TENT4B: variants seen among roughly 807,000 people sequenced by gnomAD.
TENT4B encodes the protein PAP associated domain containing 5.
A neutral mutation model predicts 75.0 loss-of-function variants in TENT4B; 10 were observed. The observed-to-expected ratio is 0.13, with a 90% CI of 0.08 to 0.23. TENT4B has a LOEUF of 0.23. Among genes scored for constraint, TENT4B ranks in the 10% least tolerant of loss-of-function variants. The pLI is 1.00. For missense variants in TENT4B, 579 were observed against 893.8 expected, an observed-to-expected ratio of 0.65 and a Z score of 4.49; for synonymous variants, 350 against 357.7, an observed-to-expected ratio of 0.98 and a Z score of 0.24.
chr16:50,180,494 G>C (rs1236773177), intron 1 of TENT4B, among the ~76,000 whole-genome samples: 1 of 152,148 alleles, frequency 6.6e-6, no homozygotes, highest in Non-Finnish European at 1.5e-5. Flanking sequence ...ATCACTTGAG[G>C]CCAGGAGTTC....
rs1263608376 is a variant in TENT4B, at chr16:50,232,659, G to A, written c.*3331G>A. 1 of 985,182 alleles carries A rather than the reference G, an allele frequency of 1.0e-6. No individual in the cohort carries two copies. The highest frequency in any genetic ancestry group is 1.2e-6 in the Non-Finnish European group (1 of 829,930). The allele number at this position is 985,182 out of a possible 1,614,324, so 61.0% of individuals were successfully genotyped here. On this transcript the variant is annotated 3_prime_UTR_variant, in exon 12 of 12. Transcript: ENST00000561678. Reference sequence around the variant, plus strand: ...GTGACGTGCAGGATTCTCTTGCTGTGACATGTTCATTGCAAAGCCCTCTCC... The same window carrying A: ...GTGACGTGCAGGATTCTCTTGCTGTAACATGTTCATTGCAAAGCCCTCTCC...
chr16:50,203,056 A>G (rs928950865), intron 1 of TENT4B, among the ~76,000 whole-genome samples: 1 of 152,248 alleles, frequency 6.6e-6, no homozygotes, highest in African/African-American at 2.4e-5. Context: ...ATAGACGAGT[A>G]TCCATTCCCT....
chr16:50,218,942 A>C (rs949716522), intron 5 of TENT4B, among the ~76,000 whole-genome samples: 1 of 151,934 alleles, frequency 6.6e-6, no homozygotes, highest in African/African-American at 2.4e-5. Context: ...TTTCTGTAGC[A>C]GCTCTAAAGT....
intron 1 of TENT4B, among the ~76,000 whole-genome samples, chr16:50,184,742 G>A (rs534825691): frequency 1.3e-5 from 2 of 150,348 alleles, no homozygotes; most frequent in African/African-American, 2.4e-5. Flanking sequence ...TTTTGTTTGT[G>A]GGGGGAGCGG....
intron 1 of TENT4B, among the ~76,000 whole-genome samples, chr16:50,165,660 T>C (rs539866585): frequency 6.6e-6 from 1 of 152,346 alleles, no homozygotes; most frequent in East Asian, 1.9e-4. Context: ...GGACCTTTCA[T>C]ATAAGTGGAA....
Position 50,233,399 on chromosome 16 carries a change from T to C in TENT4B, c.*4071T>C, listed in dbSNP as rs2032353354. 1.1e-5 allele frequency: 11 copies of C among 985,474 alleles called. No homozygotes were observed. Among genetic ancestry groups the C allele is most frequent in the Non-Finnish European group, 1.3e-5 (11 of 829,932 alleles). 61.0% of individuals were successfully genotyped at this position (985,474 alleles called of 1,614,324 possible). On this transcript the variant is annotated 3_prime_UTR_variant, in exon 12 of 12. Transcript: ENST00000561678. ...ACATAGCTAAGAAGCCAGATTTTAC[T>C]GTAGAAGTTATTTACATGATTTGAA...
At chr16:50,221,631 T>A (rs1051810351) in intron 5 of TENT4B, among the ~76,000 whole-genome samples, 10 of 152,222 alleles carry the variant, frequency 6.6e-5, no homozygotes, top group Non-Finnish European at 1.5e-5. Flanking sequence ...TCTCACTGAT[T>A]TAGTGCTTTA....
At chr16:50,168,999 TAAA>T (rs1198607806) in intron 1 of TENT4B, among the ~76,000 whole-genome samples, 1 of 152,182 alleles carries the variant, frequency 6.6e-6, no homozygotes, top group African/African-American at 2.4e-5. Flanking sequence ...GATAAGGACT[TAAA>T]AGAAGGCATA....
chr16:50,194,893 C>A (rs1019798455), intron 1 of TENT4B, among the ~76,000 whole-genome samples: 5 of 151,752 alleles, frequency 3.3e-5, no homozygotes, highest in African/African-American at 9.7e-5. Flanking sequence ...GGACTACAGG[C>A]GCCCGCCACC....
At chr16:50,197,125 CA>C (rs372992015) in intron 1 of TENT4B, among the ~76,000 whole-genome samples, 7 of 142,224 alleles carry the variant, frequency 4.9e-5, no homozygotes, top group Admixed American at 7.0e-5. Context: ...AAACAAAAAA[CA>C]AAAAAAAAAC....
upstream of TENT4B, among the ~76,000 whole-genome samples, chr16:50,153,286 T>TGCC (rs534559724): frequency 1.5e-4 from 21 of 141,502 alleles, no homozygotes; most frequent in South Asian, 6.6e-4. Flanking sequence ...CTGCCGCCGC[T>TGCC]GCCGCCGCCG....
In TENT4B at chr16:50,190,819, TCTC is replaced by T. The variant is rs1159938228; in HGVS notation, c.639-20499_639-20497del. Among the ~76,000 whole-genome samples the T allele has an allele frequency of 5.3e-5, 8 of 152,144 alleles. No homozygotes were observed. In the East Asian group the frequency reaches 7.7e-4, roughly 15 times the overall value. ...ACCATCTGTTTGCAGAAACTTTTCA[TCTC>T]CTCCATTTGAAACTCTGTATACATT... On this transcript the variant is annotated intron_variant, in intron 1 of 11. Coordinates refer to ENST00000561678, the MANE Select transcript of TENT4B (RefSeq NM_001365324.3).
At chr16:50,152,940 G>T, upstream of TENT4B, 6 of 1,504,364 alleles carry the variant, frequency 4.0e-6, no homozygotes, top group Non-Finnish European at 5.3e-6. Flanking sequence ...CTGCGGGGCG[G>T]GCGGCAACCT....
intron 7 of TENT4B, among the ~76,000 whole-genome samples, chr16:50,223,932 T>C (rs1028354088): frequency 1.5e-4 from 23 of 152,378 alleles, no homozygotes; most frequent in African/African-American, 5.0e-4. Flanking sequence ...TCCATGCTTT[T>C]CTGAAGTTCT....
At chr16:50,201,488 G>T (rs1326011145) in intron 1 of TENT4B, among the ~76,000 whole-genome samples, 4 of 150,724 alleles carry the variant, frequency 2.7e-5, no homozygotes, top group Non-Finnish European at 5.9e-5. Context: ...AGTGAGCCGA[G>T]ATCGCGCCAC....
chr16:50,152,974 G>A (rs1450209157), upstream of TENT4B: 2 of 1,514,322 alleles, frequency 1.3e-6, no homozygotes, highest in Non-Finnish European at 1.8e-6. Flanking sequence ...TCCACGCTCA[G>A]CACCGGGGAA....
At chr16:50,214,082 T>G (rs1361106954) in intron 2 of TENT4B, 139 bp from the exon 3 acceptor site, 1 of 641,500 alleles carries the variant, frequency 1.6e-6, no homozygotes, top group Non-Finnish European at 2.8e-6. Flanking sequence ...AAGCTTGGGG[T>G]TAGAAAAAAA....
chr16:50,218,243 C>T (rs2031663165), intron 5 of TENT4B, among the ~76,000 whole-genome samples: 1 of 152,156 alleles, frequency 6.6e-6, no homozygotes, highest in Admixed American at 6.5e-5. Context: ...TTGATTCCAT[C>T]TGTTTTTAAC....
chr16:50,233,663 T>C lies in TENT4B; in HGVS notation c.*4335T>C. The C allele has an allele frequency of 1.0e-6, 1 of 981,690 alleles. No individual in the cohort carries two copies. The highest frequency in any genetic ancestry group is 1.2e-6 in the Non-Finnish European group (1 of 828,218). The allele number at this position is 981,690 out of a possible 1,614,324, so 60.8% of individuals were successfully genotyped here. On this transcript the variant is annotated 3_prime_UTR_variant, in exon 12 of 12. Coordinates refer to ENST00000561678, the MANE Select transcript of TENT4B (RefSeq NM_001365324.3). ...TAGTTAATAAACTGCTAATGTTTATTTTACTGTCTCTCAGGTTTTTGGTTT... is the reference window on the plus strand; with the variant it reads ...TAGTTAATAAACTGCTAATGTTTATCTTACTGTCTCTCAGGTTTTTGGTTT...
Sources: gnomAD v4.1 joint callset for allele counts (sites outside exome capture counted in the v4.1 genomes callset) on GRCh38, gnomAD v4.1.1 for gene constraint, MANE v1.5 for transcripts, NCBI Gene and HGNC (gene_info 2026-07-23, HGNC 2026-07-21) for gene names.